PRMT3: variants seen among roughly 807,000 people sequenced by gnomAD.
PRMT3 encodes protein arginine methyltransferase 3, also known as protein arginine N-methyltransferase 3.
A neutral mutation model predicts 71.9 loss-of-function variants in PRMT3; 62 were observed. That is an observed-to-expected ratio of 0.86 (90% confidence interval 0.70 to 1.07). The LOEUF (loss-of-function observed/expected upper bound fraction) is 1.07. Among genes scored for constraint, PRMT3 ranks in the 50% least tolerant of loss-of-function variants. The pLI is 0.00. For synonymous variants in PRMT3, 213 were observed against 220.4 expected (o/e 0.97, Z 0.30); for missense variants, 663 against 643.0 (o/e 1.03, Z -0.34).
At chr11:20,464,676 G>GA in intron 13 of PRMT3, 130 bp downstream of exon 13, 1 of 1,406,602 alleles carries the variant, frequency 7.1e-7, no homozygotes, top group South Asian at 1.5e-5. Flanking sequence ...CATTGCCTTT[G>GA]CTAGGCCATT....
chr11:20,405,361 T>C (rs1215328229), intron 8 of PRMT3: 2 of 152,216 alleles, frequency 1.3e-5, no homozygotes, highest in Non-Finnish European at 2.9e-5. Context: ...CCTCATCATT[T>C]TATAAAATAA....
At chr11:20,404,478 C>G (rs539166847) in intron 8 of PRMT3, among the ~76,000 whole-genome samples, 9 of 151,744 alleles carry the variant, frequency 5.9e-5, no homozygotes, top group African/African-American at 2.2e-4. Context: ...GTGATCCGCC[C>G]GCCTCGGCCT....
rs1315741012 is a variant in PRMT3, at chr11:20,446,415, A to T, written c.994-5715A>T. Reference sequence around the variant, plus strand: ...TGATGGAAAATATACAAACGTGTATATGTGTGTGGCTGGCCAATATCTTTT... The same window carrying T: ...TGATGGAAAATATACAAACGTGTATTTGTGTGTGGCTGGCCAATATCTTTT... On this transcript the variant is annotated intron_variant, in intron 10 of 15. Coordinates refer to ENST00000331079, the MANE Select transcript of PRMT3 (RefSeq NM_005788.4). Among the ~76,000 whole-genome samples the T allele has an allele frequency of 2.0e-5, 3 of 151,454 alleles. No homozygotes were observed. The East Asian group carries it at 5.9e-4, about 30-fold the overall frequency.
chr11:20,467,555 A>G (rs1850541155), intron 13 of PRMT3, among the ~76,000 whole-genome samples: 1 of 152,210 alleles, frequency 6.6e-6, no homozygotes, highest in Non-Finnish European at 1.5e-5. Flanking sequence ...AACAATGTTT[A>G]TTTTTGGCAA....
At chr11:20,461,273 C>T (rs1330293331) in intron 11 of PRMT3, among the ~76,000 whole-genome samples, 1 of 152,108 alleles carries the variant, frequency 6.6e-6, no homozygotes, top group Non-Finnish European at 1.5e-5. Flanking sequence ...CAGTTCTTAT[C>T]TTATATATTA....
intron 13 of PRMT3, among the ~76,000 whole-genome samples, chr11:20,476,087 T>G (rs1252816205): frequency 6.6e-6 from 1 of 151,986 alleles, no homozygotes; most frequent in Non-Finnish European, 1.5e-5. Flanking sequence ...CAGTGGCTCA[T>G]GCCTGTAATT....
intron 11 of PRMT3, among the ~76,000 whole-genome samples, chr11:20,459,202 TAG>T (rs561423036): frequency 6.6e-6 from 1 of 152,174 alleles, no homozygotes; most frequent in Non-Finnish European, 1.5e-5. Context: ...CTGACCCTGA[TAG>T]AGAGACTGAT....
At position 20,508,797 on chromosome 11, in the gene PRMT3, A is replaced by G. The variant is rs559222106; in HGVS notation, c.*384A>G. The G allele has an allele frequency of 1.0e-5, 3 of 298,366 alleles. No individual in the cohort carries two copies. The highest frequency in any genetic ancestry group is 2.2e-5 in the African/African-American group (1 of 46,428). The allele number at this position is 298,366 out of a possible 1,614,324, so 18.5% of individuals were successfully genotyped here. A position where few individuals can be genotyped will look rare whatever the true frequency, so the allele number is the denominator to read the frequency against. On this transcript the variant is annotated 3_prime_UTR_variant, in exon 16 of 16. Transcript: ENST00000331079. ...AATTGGTTAGTTATTTGGATATTTT[A>G]TTAAACTAGTAACACAGGTACTACA...
intron 15 of PRMT3, among the ~76,000 whole-genome samples, chr11:20,497,451 G>A (rs2133459447): frequency 6.6e-6 from 1 of 152,252 alleles, no homozygotes; most frequent in South Asian, 2.1e-4. Flanking sequence ...GATTTTAAAA[G>A]GAAATTTTAC....
Position 20,464,496 on chromosome 11 carries a change from G to A in PRMT3, c.1297G>A (p.Glu433Lys). The change falls in exon 13 of 16, where the codon GAA becomes AAA. Residue 433 changes from glutamate (E) to lysine (K), a missense_variant. By Grantham distance (56) the Glu-to-Lys change is moderately conservative. Coordinates refer to ENST00000331079, the MANE Select transcript of PRMT3 (RefSeq NM_005788.4). ...DCHTTSISDL[E>K]FSSDFTLKIT... ...CCATACGACGTCTATCTCAGATTTG[G>A]AATTTTCATCAGATTTTACCCTGAA... is the stretch of plus-strand genomic sequence containing the variant. The A allele has an allele frequency of 6.2e-7, 1 of 1,611,096 alleles. No individual in the cohort carries two copies. Among genetic ancestry groups the A allele is most frequent in the Non-Finnish European group, 8.5e-7 (1 of 1,178,782 alleles).
chr11:20,468,993 GTCTTGAA>G (rs3045362), intron 13 of PRMT3, among the ~76,000 whole-genome samples: 63 of 152,256 alleles, frequency 4.1e-4, no homozygotes, highest in Non-Finnish European at 5.1e-4. Context: ...ATATGTAAAT[GTCTTGAA>G]TCTTGAATCA....
At chr11:20,457,335 C>T (rs555082315) in intron 11 of PRMT3, among the ~76,000 whole-genome samples, 2 of 152,224 alleles carry the variant, frequency 1.3e-5, no homozygotes, top group South Asian at 4.2e-4. Flanking sequence ...ATTTGAAAAG[C>T]ATTAAAATGT....
chr11:20,472,309 CCATT>C (rs1250496052), intron 13 of PRMT3, among the ~76,000 whole-genome samples: 2 of 151,968 alleles, frequency 1.3e-5, no homozygotes, highest in Non-Finnish European at 2.9e-5. Flanking sequence ...CACCTGTTGC[CCATT>C]CAGTGTGATA....
chr11:20,427,061 G>A (rs183841121), intron 10 of PRMT3, among the ~76,000 whole-genome samples, 196 bp downstream of exon 10: 2 of 151,966 alleles, frequency 1.3e-5, no homozygotes, highest in Non-Finnish European at 2.9e-5. Flanking sequence ...TTCTGAAATG[G>A]CCCTTATTTA....
At chr11:20,483,063 C>T (rs1024793139) in intron 13 of PRMT3, among the ~76,000 whole-genome samples, 1 of 152,020 alleles carries the variant, frequency 6.6e-6, no homozygotes, top group African/African-American at 2.4e-5. Context: ...ATCACATCTT[C>T]TATATGTCCC....
chr11:20,463,342 T>G (rs143406282), intron 12 of PRMT3, among the ~76,000 whole-genome samples: 1 of 152,320 alleles, frequency 6.6e-6, no homozygotes, highest in Non-Finnish European at 1.5e-5. Context: ...TTATACGACT[T>G]CAGTGCTCTG....
At chr11:20,500,588 C>G (rs1237439814) in intron 15 of PRMT3, among the ~76,000 whole-genome samples, 1 of 152,102 alleles carries the variant, frequency 6.6e-6, no homozygotes, top group Admixed American at 6.5e-5. Flanking sequence ...TAGACCTGCT[C>G]TTGTATAATT....
chr11:20,397,752 A>T, intron 7 of PRMT3, 31 bp downstream of exon 7: 2 of 1,605,522 alleles, frequency 1.2e-6, no homozygotes, highest in African/African-American at 1.3e-5. Flanking sequence ...CGTCAAATCC[A>T]TACTAAAGGA....
intron 8 of PRMT3, among the ~76,000 whole-genome samples, chr11:20,403,375 G>A (rs996619247): frequency 1.3e-5 from 2 of 152,208 alleles, no homozygotes; most frequent in African/African-American, 4.8e-5. Context: ...TTAAGTAATT[G>A]AGAATTAATG....
Sources: gnomAD v4.1 joint callset for allele counts (sites outside exome capture counted in the v4.1 genomes callset) on GRCh38, gnomAD v4.1.1 for gene constraint, MANE v1.5 for transcripts, NCBI Gene and HGNC (gene_info 2026-07-23, HGNC 2026-07-21) for gene names.